The following TMTC2 variants were observed in gnomAD, a reference collection of about 807,000 sequenced individuals.
The protein encoded by TMTC2 is protein O-mannosyl-transferase TMTC2.
TMTC2 carries 43 observed loss-of-function variants against 82.4 expected under a neutral mutation model. The observed-to-expected ratio is 0.52, with a 90% CI of 0.41 to 0.67. TMTC2 has a LOEUF of 0.67. TMTC2 is among the 30% of genes least tolerant of loss of function. The pLI is 0.00. For missense variants in TMTC2, 919 were observed against 1,012.4 expected (o/e 0.91, Z 1.25); for synonymous variants, 408 against 381.9 (o/e 1.07, Z -0.80).
intron 1 of TMTC2, among the ~76,000 whole-genome samples, chr12:82,714,091 G>C (rs539771658): frequency 4.6e-5 from 7 of 152,336 alleles, no homozygotes; most frequent in Non-Finnish European, 7.3e-5. Flanking sequence ...CATTTAGAAA[G>C]TGGTGGGATA....
chr12:83,087,293 T>A (rs760015700), intron 11 of TMTC2, among the ~76,000 whole-genome samples: 18 of 152,192 alleles, frequency 1.2e-4, no homozygotes, highest in Non-Finnish European at 2.4e-4. Flanking sequence ...TCTCTTGTTC[T>A]TTTTACCATT....
chr12:82,810,208 CT>C (rs567875027), intron 1 of TMTC2, among the ~76,000 whole-genome samples: 5,891 of 145,534 alleles, frequency 0.04, 348 homozygotes, highest in African/African-American at 0.13. Context: ...AAAAAGTGGA[CT>C]TTTTTTTTTT....
At chr12:82,948,373 C>CAAAAA (rs5799599) in intron 4 of TMTC2, among the ~76,000 whole-genome samples, 6 of 81,308 alleles carry the variant, frequency 7.4e-5, no homozygotes, top group African/African-American at 1.8e-4. Flanking sequence ...TTAATTTAAA[C>CAAAAA]AAAAAAAAAA....
chr12:83,129,606 C>T (rs967760354), intron 11 of TMTC2, among the ~76,000 whole-genome samples: 2 of 152,160 alleles, frequency 1.3e-5, no homozygotes, highest in Admixed American at 6.5e-5. Context: ...TCACATCTAC[C>T]TCTTACAGGT....
chr12:83,051,534 G>T (rs1314144187), intron 10 of TMTC2, among the ~76,000 whole-genome samples: 2 of 152,008 alleles, frequency 1.3e-5, no homozygotes, highest in African/African-American at 2.4e-5. Flanking sequence ...ACTGCAAAAT[G>T]GAATATAATA....
At chr12:82,807,008 C>T (rs575322157) in intron 1 of TMTC2, among the ~76,000 whole-genome samples, 20 of 152,174 alleles carry the variant, frequency 1.3e-4, no homozygotes, top group Admixed American at 8.5e-4. Flanking sequence ...GAGTTCAAAA[C>T]GAGCTCCTAA....
chr12:83,069,344 C>G (rs1883028754), intron 11 of TMTC2, among the ~76,000 whole-genome samples: 1 of 152,168 alleles, frequency 6.6e-6, no homozygotes, highest in Admixed American at 6.5e-5. Context: ...TTCATCACAT[C>G]CATGCCAGCA....
At chr12:83,058,228 A>C (rs1165621937) in intron 10 of TMTC2, among the ~76,000 whole-genome samples, 1 of 151,918 alleles carries the variant, frequency 6.6e-6, no homozygotes, top group Non-Finnish European at 1.5e-5. Flanking sequence ...CAAATGATGA[A>C]ATTTGTTTAT....
intron 11 of TMTC2, among the ~76,000 whole-genome samples, chr12:83,106,548 A>G (rs539216182): frequency 6.6e-6 from 1 of 152,068 alleles, no homozygotes; most frequent in African/African-American, 2.4e-5. Flanking sequence ...TAAAAGATAC[A>G]CACCAAGTTG....
intron 2 of TMTC2, among the ~76,000 whole-genome samples, chr12:82,879,109 T>C (rs1872707132): frequency 6.6e-6 from 1 of 152,194 alleles, no homozygotes; most frequent in Non-Finnish European, 1.5e-5. Flanking sequence ...CTCCTAGCAT[T>C]GACCAATCTG....
chr12:82,768,125 C>T (rs1033608783), intron 1 of TMTC2, among the ~76,000 whole-genome samples: 2 of 152,136 alleles, frequency 1.3e-5, no homozygotes, highest in Non-Finnish European at 1.5e-5. Flanking sequence ...TGTACAGGAG[C>T]GCTAATTGAT....
At chr12:83,103,541 A>T (rs899727449) in intron 11 of TMTC2, among the ~76,000 whole-genome samples, 1 of 152,140 alleles carries the variant, frequency 6.6e-6, no homozygotes, top group Non-Finnish European at 1.5e-5. Context: ...AGATGTCACA[A>T]GTACACACGA....
intron 11 of TMTC2, among the ~76,000 whole-genome samples, chr12:83,073,654 T>C (rs570437405): frequency 6.6e-6 from 1 of 152,218 alleles, no homozygotes; most frequent in African/African-American, 2.4e-5. Context: ...CCCAGACTTT[T>C]TGGAGCCTTT....
At chr12:83,000,465 T>G (rs1879868861) in intron 8 of TMTC2, among the ~76,000 whole-genome samples, 1 of 152,096 alleles carries the variant, frequency 6.6e-6, no homozygotes, top group Non-Finnish European at 1.5e-5. Context: ...TCCATAATGA[T>G]CTCCTTTGAA....
intron 1 of TMTC2, among the ~76,000 whole-genome samples, chr12:82,779,965 C>G (rs981293643): frequency 6.6e-6 from 1 of 152,052 alleles, no homozygotes; most frequent in African/African-American, 2.4e-5. Context: ...TGAGACTCAT[C>G]CATTCGACTG....
At chr12:82,790,773 G>T (rs528113405) in intron 1 of TMTC2, among the ~76,000 whole-genome samples, 1 of 151,046 alleles carries the variant, frequency 6.6e-6, no homozygotes, top group African/African-American at 2.4e-5. Context: ...GTTACAGTGA[G>T]CTGAGATCGC....
intron 2 of TMTC2, among the ~76,000 whole-genome samples, chr12:82,881,267 G>T (rs1592597963): frequency 6.6e-6 from 1 of 152,182 alleles, no homozygotes; most frequent in East Asian, 1.9e-4. Context: ...AATGGAGAAT[G>T]AATACTGCAA....
At chr12:82,817,970 C>T (rs985453957) in intron 1 of TMTC2, among the ~76,000 whole-genome samples, 2 of 152,016 alleles carry the variant, frequency 1.3e-5, no homozygotes, top group African/African-American at 4.8e-5. Context: ...CTGTATAGTA[C>T]CAGGCAGCAC....
Position 82,865,723 on chromosome 12 carries a change from A to G in TMTC2, c.654+8143A>G, listed in dbSNP as rs533366395. ...CAGAATATACATTCTTCCCAGCACC[A>G]CACCGCACTTATTCCAAAATTGACC... On this transcript the variant is annotated intron_variant, in intron 2 of 11. Coordinates refer to ENST00000321196, the MANE Select transcript of TMTC2 (RefSeq NM_152588.3). 1.5e-3 allele frequency among the ~76,000 whole-genome samples: 227 copies of G among 152,288 alleles called. 2 individuals carry two copies. Among genetic ancestry groups the G allele is most frequent in the African/African-American group, 5.0e-3 (208 of 41,556 alleles).
Sources: gnomAD v4.1 joint callset for allele counts (sites outside exome capture counted in the v4.1 genomes callset) on GRCh38, gnomAD v4.1.1 for gene constraint, MANE v1.5 for transcripts, NCBI Gene and HGNC (gene_info 2026-07-23, HGNC 2026-07-21) for gene names.